TTN: variants seen among roughly 807,000 people sequenced by gnomAD.
The protein encoded by TTN is connectin.
Under a neutral mutation model 3,223.0 loss-of-function variants are expected in TTN, and 1,525 were observed. The observed-to-expected ratio is 0.47, with a 90% CI of 0.45 to 0.49. The LOEUF is 0.49. TTN is among the 20% of genes least tolerant of loss of function. TTN has a pLI of 0.00. For synonymous variants in TTN, 14,094 were observed against 15,161.0 expected, an observed-to-expected ratio of 0.93 and a Z score of 5.17; for missense variants, 40,786 against 43,424.0, an observed-to-expected ratio of 0.94 and a Z score of 5.40.
rs1236764793 is a variant in TTN, at chr2:178,724,825, C to T, written c.20837-287G>A. ...AAGAAATATATGTTCGTGCATGACT[C>T]AACTTCAAAACAATTTAAACAATGT... On this transcript the variant is annotated intron_variant, in intron 71 of 362. Transcript: ENST00000589042. 4 of 274,030 alleles carry T rather than the reference C, an allele frequency of 1.5e-5. No homozygotes were observed. In the Admixed American group the frequency reaches 1.5e-4, roughly 10 times the overall value. 17.0% of individuals were successfully genotyped at this position (274,030 alleles called of 1,614,324 possible).
At chr2:178,681,866 C>T in intron 135 of TTN, 128 bp from the exon 136 acceptor site, 1 of 726,784 alleles carries the variant, frequency 1.4e-6, no homozygotes, top group South Asian at 2.5e-5. Context: ...TTGAAGTAGG[C>T]AAGAATCAGA....
chr2:178,563,023 T>C lies in TTN; in HGVS notation c.83109A>G (p.Pro27703=), dbSNP rs908631886. 6.2e-7 allele frequency: 1 copy of C among 1,613,752 alleles called. No individual in the cohort carries two copies. The highest frequency in any genetic ancestry group is 8.5e-7 in the Non-Finnish European group (1 of 1,179,722). Residue 27703 remains proline (P), a synonymous_variant, in exon 326 of 363, where the codon CCA becomes CCG. Transcript: ENST00000589042. The surrounding 1 kb of genome is among the most constrained non-coding windows in gnomAD (Gnocchi z 4.5). ...CCTTTTCCCATTTAACTTCGGGTTC[T>C]GGTCGACCTTTGATAGTGACAAATA... ...LRLFVTIKGR[P]EPEVKWEKAE...
rs376853821 is a variant in TTN at position 178,553,776 on chromosome 2, G to A, written c.89229C>T (p.Ile29743=). Residue 29743 remains isoleucine, a synonymous_variant, in exon 334 of 363, where the codon ATC becomes ATT. Coordinates refer to ENST00000589042, the MANE Select transcript of TTN (RefSeq NM_001267550.2). The part of the protein sequence containing the change: ...DPPGPPAKIR[I]ADSTKSSITL... The stretch of plus-strand genomic sequence containing the variant: ...TGATGGATGACTTGGTTGAATCTGC[G>A]ATTCTTATCTTAGCAGGTGGACCTG... 81 of 1,604,378 alleles carry A rather than the reference G, an allele frequency of 5.0e-5. No individual in the cohort carries two copies. In the East Asian group the frequency reaches 5.6e-4, roughly 11 times the overall value.
In TTN at chr2:178,615,786, A is replaced by C. The variant is rs765925101; in HGVS notation, c.48315T>G (p.Val16105=). Residue 16105 remains valine (V), a splice_region_variant and synonymous_variant, in exon 258 of 363, where the codon GTT becomes GTG. Coordinates refer to ENST00000589042, the MANE Select transcript of TTN (RefSeq NM_001267550.2). The part of the protein sequence containing the change: ...REVSRKTWTK[V]MDFVTDLEFT... ...ATTCTAGATCAGTCACAAAGTCCAT[A>C]ACCTGGGACAAAGAAATACAGTTAA... The C allele has an allele frequency of 9.3e-6, 15 of 1,606,798 alleles. No individual in the cohort carries two copies. In the East Asian group the frequency reaches 3.4e-4, roughly 36 times the overall value.
Position 178,576,709 on chromosome 2 carries a change from T to C in TTN, c.69535A>G (p.Arg23179Gly). The C allele has an allele frequency of 6.2e-7, 1 of 1,613,534 alleles. No individual in the cohort carries two copies. The highest frequency in any genetic ancestry group is 8.5e-7 in the Non-Finnish European group (1 of 1,179,618). The stretch of plus-strand genomic sequence containing the variant: ...ACCCATCGCAGGCTTTTCTTTTCTC[T>C]CCTTTCTACATGATATCCTGTAATT... ...SEITGYHVERREKKSLRWVRA... is the reference protein window; with the variant it reads ...SEITGYHVERGEKKSLRWVRA... The change falls in exon 325 of 363, where the codon AGA becomes GGA. Residue 23179 changes from arginine (R) to glycine (G), a missense_variant. Coordinates refer to ENST00000589042, the MANE Select transcript of TTN (RefSeq NM_001267550.2). The surrounding 1 kb of genome is among the most constrained non-coding windows in gnomAD (Gnocchi z 4.3).
At position 178,636,552 on chromosome 2, in the gene TTN, A is replaced by G. The variant is rs2154231331; in HGVS notation, c.41175T>C (p.Asn13725=). ...ACCTGTGCTTGGGACTCTCACGGATATTGCTACCGTCTTTCATCCAGGTTG... is the reference window on the plus strand; with the variant it reads ...ACCTGTGCTTGGGACTCTCACGGATGTTGCTACCGTCTTTCATCCAGGTTG... ...AITTWMKDGS[N]IRESPKHRFI... Residue 13725 remains asparagine (N), a synonymous_variant, in exon 225 of 363, where the codon AAT becomes AAC. Coordinates refer to ENST00000589042, the MANE Select transcript of TTN (RefSeq NM_001267550.2). The surrounding 1 kb of genome is among the most constrained non-coding windows in gnomAD (Gnocchi z 4.3). 6.8e-6 allele frequency: 11 copies of G among 1,613,466 alleles called. No individual in the cohort carries two copies. The highest frequency in any genetic ancestry group is 1.1e-5 in the South Asian group (1 of 91,072).
Position 178,732,522 on chromosome 2 carries a change from T to A in TTN, c.16539A>T (p.Lys5513Asn). Reference protein sequence around the residue: ...LESSLELYLVKTSDSGTYTCK... With the variant: ...LESSLELYLVNTSDSGTYTCK... ...ATGTGTACGTGCCCGAATCAGAGGT[T>A]TTTACTAAATAGAGTTCCAGGGAAC... is the stretch of plus-strand genomic sequence containing the variant. The change falls in exon 56 of 363, where the codon AAA becomes AAT. Residue 5513 changes from lysine to asparagine, a missense_variant. Lys to Asn is a moderately conservative substitution (Grantham distance 94). Transcript: ENST00000589042. 1 of 1,613,676 alleles carries A rather than the reference T, an allele frequency of 6.2e-7. No homozygotes were observed. Among genetic ancestry groups the A allele is most frequent in the Non-Finnish European group, 8.5e-7 (1 of 1,179,728 alleles).
Position 178,542,926 on chromosome 2 carries a change from T to C in TTN, c.96928A>G (p.Thr32310Ala), listed in dbSNP as rs542208825. Residue 32310 changes from threonine (T) to alanine (A), a missense_variant, in exon 348 of 363, where the codon ACA becomes GCA. Thr to Ala is a moderately conservative substitution (Grantham distance 58). Transcript: ENST00000589042. ...ACATGGATGGTCTTCTGAGGCATTG[T>C]AGAAAGATCGATTGTTGGCAACACT... Reference protein sequence around the residue: ...LRVLPTIDLSTMPQKTIHVPA... With the variant: ...LRVLPTIDLSAMPQKTIHVPA... 1 of 1,605,488 alleles carries C rather than the reference T, an allele frequency of 6.2e-7. No homozygotes were observed. The highest frequency in any genetic ancestry group is 8.5e-7 in the Non-Finnish European group (1 of 1,173,798).
Position 178,714,436 on chromosome 2 carries a change from T to C in TTN, c.26338A>G (p.Ser8780Gly). The C allele has an allele frequency of 1.2e-6, 2 of 1,613,766 alleles. No individual in the cohort carries two copies. The highest frequency in any genetic ancestry group is 1.7e-6 in the Non-Finnish European group (2 of 1,179,728). The change falls in exon 91 of 363, where the codon AGT becomes GGT. Residue 8780 changes from serine to glycine, a missense_variant. Physicochemically the swap from Ser to Gly is moderately conservative, Grantham distance 56. Coordinates refer to ENST00000589042, the MANE Select transcript of TTN (RefSeq NM_001267550.2). ...FKDKGEIVRE[S>G]DNIWISYSEN... ...GAATAAGAAATCCATATGTTGTCAC[T>C]TTCTCTAACGATTTCTCCCTTATCT...
rs1057520411 is a variant in TTN at position 178,769,661 on chromosome 2, A to T, written c.8902+18T>A. The T allele has an allele frequency of 6.4e-7, 1 of 1,561,734 alleles. No individual in the cohort carries two copies. The highest frequency in any genetic ancestry group is 8.8e-7 in the Non-Finnish European group (1 of 1,140,356). On this transcript the variant is annotated intron_variant, in intron 37 of 362. Coordinates refer to ENST00000589042, the MANE Select transcript of TTN (RefSeq NM_001267550.2). Reference sequence around the variant, plus strand: ...TTTATATATATGTGTATATATATATATATATTTTTTAACTTACGGGTGACT... The same window carrying T: ...TTTATATATATGTGTATATATATATTTATATTTTTTAACTTACGGGTGACT...
In TTN at chr2:178,783,049, T is replaced by C; in HGVS notation, c.2857A>G (p.Thr953Ala). 1.9e-6 allele frequency: 3 copies of C among 1,614,080 alleles called. No homozygotes were observed. The highest frequency in any genetic ancestry group is 2.5e-6 in the Non-Finnish European group (3 of 1,179,976). Residue 953 changes from threonine (T) to alanine (A), a missense_variant, in exon 18 of 363, where the codon ACT (threonine) becomes GCT (alanine). By Grantham distance (58) the Thr-to-Ala change is moderately conservative. Coordinates refer to ENST00000589042, the MANE Select transcript of TTN (RefSeq NM_001267550.2). Reference sequence around the variant, plus strand: ...GTGACAGATTCACCTTCTATGACAGTCACATTTTTTAAGCCCTGAAGAGAG... The same window carrying C: ...GTGACAGATTCACCTTCTATGACAGCCACATTTTTTAAGCCCTGAAGAGAG... Reference protein sequence around the residue: ...PTLVSGLKNVTVIEGESVTLE... With the variant: ...PTLVSGLKNVAVIEGESVTLE...
chr2:178,751,180 A>G (rs2085384717), intron 47 of TTN: 14 of 1,611,198 alleles, frequency 8.7e-6, no homozygotes, highest in South Asian at 2.2e-5. Context: ...AGAACAGAAT[A>G]TCTTTATCAC....
intron 140 of TTN, 43 bp from the exon 141 acceptor site, chr2:178,679,725 G>A (rs543240422): frequency 1.0e-5 from 16 of 1,568,808 alleles, no homozygotes; most frequent in Non-Finnish European, 1.2e-5. Flanking sequence ...TTGCAGGAAA[G>A]AAATAAAATG....
chr2:178,745,439 T>C (rs772882920), intron 47 of TTN: 13 of 1,463,584 alleles, frequency 8.9e-6, no homozygotes, highest in African/African-American at 1.4e-5. Context: ...GATTTCTACA[T>C]AGAGATTATT....
chr2:178,621,845 A>C lies in TTN; in HGVS notation c.45077T>G (p.Val15026Gly). 1.9e-6 allele frequency: 3 copies of C among 1,612,020 alleles called. No individual in the cohort carries two copies. The highest frequency in any genetic ancestry group is 2.5e-6 in the Non-Finnish European group (3 of 1,178,924). The part of the protein sequence containing the change: ...RTARTSGMLT[V>G]LEEEAVFTKN... ...AAGAATGACTTTACTCTTACCCAGAACTGTCAGCATGCCAGAAGTTCTCGC... is the reference window on the plus strand; with the variant it reads ...AAGAATGACTTTACTCTTACCCAGACCTGTCAGCATGCCAGAAGTTCTCGC... The change falls in exon 244 of 363, where the codon GTT becomes GGT. Residue 15026 changes from valine to glycine, a missense_variant. Physicochemically the swap from Val to Gly is moderately radical, Grantham distance 109. Transcript: ENST00000589042.
intron 43 of TTN, among the ~76,000 whole-genome samples, chr2:178,763,333 G>A (rs530860600): frequency 2.2e-4 from 33 of 152,164 alleles, no homozygotes; most frequent in Non-Finnish European, 4.4e-4. Flanking sequence ...ACTGTATGAT[G>A]AGCACTGTGC....
At chr2:178,585,418 G>C in intron 308 of TTN, 71 bp from the exon 309 acceptor site, 7 of 1,482,272 alleles carry the variant, frequency 4.7e-6, no homozygotes, top group Non-Finnish European at 6.3e-6. Flanking sequence ...AGCTATACTG[G>C]TGCAAATTAA....
In TTN at chr2:178,720,134, G is replaced by A; in HGVS notation, c.23508C>T (p.Ile7836=). Residue 7836 remains isoleucine (I), a synonymous_variant, in exon 81 of 363, where the codon ATC becomes ATT. Coordinates refer to ENST00000589042, the MANE Select transcript of TTN (RefSeq NM_001267550.2). ...AAATCCTGGTATTTTCACTCTCTCTGATGACTTCACCTCTATCTTTCAGCC... is the reference window on the plus strand; with the variant it reads ...AAATCCTGGTATTTTCACTCTCTCTAATGACTTCACCTCTATCTTTCAGCC... The part of the protein sequence containing the change: ...VVWLKDRGEV[I]RESENTRISF... The A allele has an allele frequency of 6.2e-7, 1 of 1,613,774 alleles. No individual in the cohort carries two copies. The highest frequency in any genetic ancestry group is 8.5e-7 in the Non-Finnish European group (1 of 1,179,724).
Position 178,688,243 on chromosome 2 carries a change from CA to C in TTN, c.32198-20del. On this transcript the variant is annotated intron_variant, in intron 126 of 362. Transcript: ENST00000589042. ...GCAGATACTTTAAAAGATAAGGTTTCATTTAAATTCAGCCTGCTGAGATACA... is the reference window on the plus strand; with the variant it reads ...GCAGATACTTTAAAAGATAAGGTTTCTTTAAATTCAGCCTGCTGAGATACA... The C allele has an allele frequency of 6.2e-7, 1 of 1,605,362 alleles. No individual in the cohort carries two copies. Among genetic ancestry groups the C allele is most frequent in the Non-Finnish European group, 8.5e-7 (1 of 1,174,700 alleles).
Sources: gnomAD v4.1 joint callset for allele counts (sites outside exome capture counted in the v4.1 genomes callset) on GRCh38, gnomAD v4.1.1 for gene constraint, Gnocchi (gnomAD v3.1) non-coding constraint, MANE v1.5 for transcripts, NCBI Gene and HGNC (gene_info 2026-07-23, HGNC 2026-07-21) for gene names.